N4BP1: variants seen among roughly 807,000 people sequenced by gnomAD.
N4BP1 encodes NEDD4-binding protein 1.
N4BP1 carries 21 observed loss-of-function variants against 70.9 expected under a neutral mutation model. That is an observed-to-expected ratio of 0.30 (90% CI 0.21 to 0.43). The LOEUF is 0.43. Among genes scored for constraint, N4BP1 ranks in the 20% least tolerant of loss-of-function variants. N4BP1 has a pLI of 1.00. For synonymous variants in N4BP1, 387 were observed against 394.6 expected (o/e 0.98, Z 0.23); for missense variants, 936 against 1,069.4 (o/e 0.88, Z 1.74).
intron 1 of N4BP1, among the ~76,000 whole-genome samples, chr16:48,563,409 A>G (rs554322602): frequency 1.1e-4 from 16 of 151,438 alleles, no homozygotes; most frequent in Non-Finnish European, 2.2e-4. Flanking sequence ...ATATATATAT[A>G]TAATTTTTTT....
At chr16:48,605,403 C>G (rs1964564448) in intron 1 of N4BP1, among the ~76,000 whole-genome samples, 1 of 152,194 alleles carries the variant, frequency 6.6e-6, no homozygotes, top group African/African-American at 2.4e-5. Flanking sequence ...TCCACCACTG[C>G]TTCACAGGGA....
chr16:48,606,283 C>A (rs1414386145), intron 1 of N4BP1, among the ~76,000 whole-genome samples: 1 of 152,178 alleles, frequency 6.6e-6, no homozygotes, highest in Non-Finnish European at 1.5e-5. Context: ...CCACCCCCTA[C>A]CCCCTCATGC....
At chr16:48,579,294 A>G (rs1597104320) in intron 1 of N4BP1, among the ~76,000 whole-genome samples, 2 of 152,312 alleles carry the variant, frequency 1.3e-5, no homozygotes, top group Admixed American at 1.3e-4. Context: ...GAGGGAAAGA[A>G]TGGCCAAAAA....
At chr16:48,571,072 G>A (rs1484885139) in intron 1 of N4BP1, among the ~76,000 whole-genome samples, 2 of 152,202 alleles carry the variant, frequency 1.3e-5, no homozygotes, top group East Asian at 1.9e-4. Flanking sequence ...TATTAAAGGC[G>A]TGAGCCACTG....
intron 1 of N4BP1, among the ~76,000 whole-genome samples, chr16:48,566,857 A>T (rs983562275): frequency 1.3e-5 from 2 of 152,182 alleles, no homozygotes; most frequent in Non-Finnish European, 2.9e-5. Context: ...CAGTTCTGCC[A>T]GTTTTTGGTT....
At chr16:48,552,568 C>G (rs533378446) in intron 3 of N4BP1, among the ~76,000 whole-genome samples, 1 of 151,206 alleles carries the variant, frequency 6.6e-6, no homozygotes, top group African/African-American at 2.4e-5. Context: ...CGTGGTGGTG[C>G]GTGCCTGCAG....
At chr16:48,607,667 G>GT (rs1964604667) in intron 1 of N4BP1, among the ~76,000 whole-genome samples, 1 of 152,212 alleles carries the variant, frequency 6.6e-6, no homozygotes, top group African/African-American at 2.4e-5. Context: ...ATGCACGTAA[G>GT]AGATTTTCAG....
chr16:48,572,424 G>C (rs757610794), intron 1 of N4BP1, among the ~76,000 whole-genome samples: 1 of 152,148 alleles, frequency 6.6e-6, no homozygotes, highest in Non-Finnish European at 1.5e-5. Context: ...TCTGGATGAT[G>C]GGGGAGGGGG....
intron 1 of N4BP1, among the ~76,000 whole-genome samples, chr16:48,575,018 T>G (rs1360163533): frequency 1.3e-5 from 2 of 152,214 alleles, no homozygotes; most frequent in African/African-American, 4.8e-5. Flanking sequence ...GGGAAAGAGC[T>G]GTGCAAAATG....
At chr16:48,570,495 TGCC>T (rs1234105894) in intron 1 of N4BP1, among the ~76,000 whole-genome samples, 1 of 152,124 alleles carries the variant, frequency 6.6e-6, no homozygotes, top group Non-Finnish European at 1.5e-5. Flanking sequence ...TACAGGCACG[TGCC>T]ACCATGCCCA....
chr16:48,592,379 G>T (rs887220289), intron 1 of N4BP1, among the ~76,000 whole-genome samples: 6 of 152,142 alleles, frequency 3.9e-5, no homozygotes, highest in Admixed American at 3.3e-4. Flanking sequence ...TTAATTTTGA[G>T]AATGTCTTTG....
intron 1 of N4BP1, among the ~76,000 whole-genome samples, chr16:48,601,882 C>T (rs1303866838): frequency 1.3e-5 from 2 of 152,148 alleles, no homozygotes; most frequent in Non-Finnish European, 2.9e-5. Flanking sequence ...CAGCTAAATT[C>T]AGTTTCTTTA....
At position 48,560,895 on chromosome 16, in the gene N4BP1, G is replaced by C. The variant is rs201209953; in HGVS notation, c.1748C>G (p.Ser583Cys). ...SVTDARSAGP[S>C]DHIDSSVTGV... is the part of the protein sequence containing the mutation. ...AGTAACTGAGGAATCAATATGATCAGAAGGTCCTGCCGACCTTGCATCAGT... is the reference window on the plus strand; with the variant it reads ...AGTAACTGAGGAATCAATATGATCACAAGGTCCTGCCGACCTTGCATCAGT... The change falls in exon 2 of 7, where the codon TCT (serine) becomes TGT (cysteine). Residue 583 changes from serine to cysteine, a missense_variant. By Grantham distance (112) the Ser-to-Cys change is moderately radical. This residue lies in a region of N4BP1 where 515 missense variants were observed against 491.7 expected (regional missense o/e 1.05). Coordinates refer to ENST00000262384, the MANE Select transcript of N4BP1 (RefSeq NM_153029.4). 1.4e-4 allele frequency: 220 copies of C among 1,613,862 alleles called. No homozygotes were observed. Among genetic ancestry groups the C allele is most frequent in the Non-Finnish European group, 1.8e-4 (214 of 1,179,880 alleles).
At chr16:48,567,253 G>C (rs1000588420) in intron 1 of N4BP1, among the ~76,000 whole-genome samples, 29 of 152,040 alleles carry the variant, frequency 1.9e-4, no homozygotes, top group South Asian at 2.1e-4. Flanking sequence ...TCCTATATTT[G>C]ATTCCTGTTC....
intron 1 of N4BP1, among the ~76,000 whole-genome samples, chr16:48,609,013 G>A (rs1964630756): frequency 6.7e-6 from 1 of 148,734 alleles, no homozygotes. Flanking sequence ...CCAAGAGTTC[G>A]AGACCTGCCC....
rs562067764 is a variant in N4BP1, at chr16:48,597,267, C to T, written c.198+12508G>A. 4.3e-4 allele frequency among the ~76,000 whole-genome samples: 66 copies of T among 152,270 alleles called. 1 individual carries two copies. Among genetic ancestry groups the T allele is most frequent in the Admixed American group, 1.6e-3 (25 of 15,302 alleles). On this transcript the variant is annotated intron_variant, in intron 1 of 6. Coordinates refer to ENST00000262384, the MANE Select transcript of N4BP1 (RefSeq NM_153029.4). ...CAGAGGACAAGGTGAACCCGTTGGG[C>T]GGTTACATTGGTATCAACTTCCTGA...
At chr16:48,601,795 G>A (rs934359404) in intron 1 of N4BP1, among the ~76,000 whole-genome samples, 2 of 152,102 alleles carry the variant, frequency 1.3e-5, no homozygotes, top group Admixed American at 6.5e-5. Flanking sequence ...CTACAGACTT[G>A]GAACTACTGG....
intron 1 of N4BP1, among the ~76,000 whole-genome samples, chr16:48,600,941 TATA>T (rs1172482202): frequency 6.6e-6 from 1 of 152,220 alleles, no homozygotes; most frequent in Admixed American, 6.5e-5. Context: ...GTGGCATTTG[TATA>T]ATAAGTAATG....
chr16:48,608,657 A>AG (rs1396641491), intron 1 of N4BP1, among the ~76,000 whole-genome samples: 3 of 150,928 alleles, frequency 2.0e-5, no homozygotes, highest in Non-Finnish European at 1.5e-5. Flanking sequence ...TGGTTTGGAA[A>AG]GGGGGGGAAG....
Sources: allele counts gnomAD v4.1 joint callset (sites outside exome capture counted in the v4.1 genomes callset), GRCh38; gene constraint gnomAD v4.1.1; regional missense constraint gnomAD v4.1.1; transcripts MANE v1.5; gene names NCBI Gene and HGNC (gene_info 2026-07-23, HGNC 2026-07-21).